NCKAP1: variants seen among roughly 807,000 people sequenced by gnomAD.
NCKAP1 encodes NCK associated protein 1.
A neutral mutation model predicts 151.2 loss-of-function variants in NCKAP1; 21 were observed. That is an observed-to-expected ratio of 0.14 (90% CI 0.10 to 0.20). The LOEUF is 0.20. NCKAP1 is among the 10% of genes least tolerant of loss of function. The pLI, the probability that NCKAP1 is intolerant of heterozygous loss-of-function variation, is 1.00. For synonymous variants in NCKAP1, 484 were observed against 451.8 expected (o/e 1.07, Z -0.90); for missense variants, 933 against 1,352.1 (o/e 0.69, Z 4.86).
At chr2:182,941,598 C>T (rs1696996064) in intron 24 of NCKAP1, among the ~76,000 whole-genome samples, 1 of 152,148 alleles carries the variant, frequency 6.6e-6, no homozygotes, top group Non-Finnish European at 1.5e-5. Flanking sequence ...ATTTTTCAAA[C>T]TGATGGAACT....
At chr2:182,974,627 A>C (rs1033629539) in intron 15 of NCKAP1, among the ~76,000 whole-genome samples, 1 of 152,198 alleles carries the variant, frequency 6.6e-6, no homozygotes, top group African/African-American at 2.4e-5. Flanking sequence ...CCAGCAAATC[A>C]CCAGAAGCTA....
intron 13 of NCKAP1, among the ~76,000 whole-genome samples, chr2:182,979,580 A>G (rs1277409166): frequency 6.6e-6 from 1 of 152,114 alleles, no homozygotes; most frequent in Non-Finnish European, 1.5e-5. Context: ...TGTACACTTA[A>G]AAATCATGAA....
At chr2:182,994,623 A>T (rs754311023) in intron 8 of NCKAP1, among the ~76,000 whole-genome samples, 4 of 151,692 alleles carry the variant, frequency 2.6e-5, no homozygotes, top group Non-Finnish European at 4.4e-5. Context: ...TGGATGACAG[A>T]GCAAGACCTC....
intron 1 of NCKAP1, among the ~76,000 whole-genome samples, chr2:183,030,515 A>G (rs973514798): frequency 2.6e-5 from 4 of 152,232 alleles, no homozygotes; most frequent in Non-Finnish European, 4.4e-5. Context: ...TCAGAGTGAG[A>G]ATGCTATTCG....
chr2:182,985,589 G>C (rs779138484), intron 10 of NCKAP1, among the ~76,000 whole-genome samples: 3 of 152,124 alleles, frequency 2.0e-5, no homozygotes, highest in Non-Finnish European at 4.4e-5. Flanking sequence ...GATCACTGAG[G>C]TCAGGAGTTC....
intron 1 of NCKAP1, among the ~76,000 whole-genome samples, chr2:183,034,766 C>T (rs1262932495): frequency 1.3e-5 from 2 of 152,062 alleles, no homozygotes; most frequent in Non-Finnish European, 2.9e-5. Context: ...AAACTGAGTT[C>T]AGTTATTGTT....
chr2:182,932,911 C>A (rs1329072067), intron 26 of NCKAP1, among the ~76,000 whole-genome samples: 3 of 152,130 alleles, frequency 2.0e-5, no homozygotes, highest in Non-Finnish European at 2.9e-5. Flanking sequence ...AAGACAATCA[C>A]TGATCTCAAA....
chr2:182,999,376 A>G (rs1287983857), intron 6 of NCKAP1, among the ~76,000 whole-genome samples: 1 of 152,064 alleles, frequency 6.6e-6, no homozygotes, highest in East Asian at 1.9e-4. Context: ...TAACCACCCA[A>G]CAAACATATG....
intron 2 of NCKAP1, among the ~76,000 whole-genome samples, chr2:183,004,415 T>G (rs572248421): frequency 6.9e-6 from 1 of 145,348 alleles, no homozygotes; most frequent in Admixed American, 7.1e-5. Flanking sequence ...TCAGAAAATT[T>G]ACAGCAGTGA....
chr2:183,013,306 T>C (rs1318388417), intron 2 of NCKAP1, among the ~76,000 whole-genome samples: 2 of 152,142 alleles, frequency 1.3e-5, no homozygotes, highest in African/African-American at 4.8e-5. Flanking sequence ...ACGTCTAATA[T>C]TGAGCTACTG....
At chr2:183,008,075 C>A (rs370855996) in intron 2 of NCKAP1, among the ~76,000 whole-genome samples, 2 of 152,028 alleles carry the variant, frequency 1.3e-5, no homozygotes, top group Admixed American at 1.3e-4. Context: ...TATACGCATG[C>A]GCCAGCACAC....
chr2:182,949,502 C>G (rs906994628), intron 23 of NCKAP1, among the ~76,000 whole-genome samples: 4 of 152,070 alleles, frequency 2.6e-5, no homozygotes, highest in African/African-American at 9.7e-5. Flanking sequence ...TTGAATAAAA[C>G]AGAGTTAAGA....
At chr2:182,929,104 A>C (rs1696707472) in intron 27 of NCKAP1, among the ~76,000 whole-genome samples, 1 of 152,108 alleles carries the variant, frequency 6.6e-6, no homozygotes, top group East Asian at 1.9e-4. Context: ...ACAATGGACT[A>C]TTATCAACTA....
chr2:183,001,457 A>AT (rs902504852), intron 6 of NCKAP1, among the ~76,000 whole-genome samples: 2 of 152,188 alleles, frequency 1.3e-5, no homozygotes, highest in Non-Finnish European at 2.9e-5. Flanking sequence ...AAAACCCGTC[A>AT]TTTTTTGAGA....
In NCKAP1 at chr2:182,917,671, T is replaced by C. The variant is rs1344610310; in HGVS notation, c.*8031A>G. The C allele has an allele frequency of 6.6e-6, 1 of 152,196 alleles. No individual in the cohort carries two copies. Among genetic ancestry groups the C allele is most frequent in the East Asian group, 1.9e-4 (1 of 5,202 alleles). The allele number at this position is 152,196 out of a possible 1,614,324, so 9.4% of individuals were successfully genotyped here. ...AGACCAAGTGTTGTATGTTCCAGTGTAGGATCTCACTTCAACAGCTGCGTT... is the reference window on the plus strand; with the variant it reads ...AGACCAAGTGTTGTATGTTCCAGTGCAGGATCTCACTTCAACAGCTGCGTT... On this transcript the variant is annotated 3_prime_UTR_variant, in exon 31 of 31. Transcript: ENST00000361354.
rs150794432 is a variant in NCKAP1 at position 183,030,332 on chromosome 2, TTTTA to T, written c.109-6420_109-6417del. Among the ~76,000 whole-genome samples, 1,023 of 152,298 alleles carry T rather than the reference TTTTA, an allele frequency of 6.7e-3. 12 individuals carry two copies. Among genetic ancestry groups the T allele is most frequent in the African/African-American group, 0.024 (981 of 41,542 alleles). On this transcript the variant is annotated intron_variant, in intron 1 of 30. Transcript: ENST00000361354. ...GCACTACTACTGTGCCTAGCTTCAG[TTTTA>T]TTTTTTAATTTCTATTCTAACTCAG...
chr2:182,989,022 T>A lies in NCKAP1; in HGVS notation c.947+8A>T, dbSNP rs1034683074. 1.9e-6 allele frequency: 3 copies of A among 1,599,552 alleles called. No individual in the cohort carries two copies. The highest frequency in any genetic ancestry group is 2.6e-6 in the Non-Finnish European group (3 of 1,176,118). Reference sequence around the variant, plus strand: ...CCAAAAAAGACAAAATAAATGAAAATGCCATACCCTCGTATGTTTACAAAT... The same window carrying A: ...CCAAAAAAGACAAAATAAATGAAAAAGCCATACCCTCGTATGTTTACAAAT... On this transcript the variant is annotated splice_region_variant and intron_variant, in intron 9 of 30. Coordinates refer to ENST00000361354, the MANE Select transcript of NCKAP1 (RefSeq NM_013436.5).
chr2:182,985,525 G>A (rs1049706265), intron 10 of NCKAP1, among the ~76,000 whole-genome samples: 6 of 150,356 alleles, frequency 4.0e-5, no homozygotes, highest in African/African-American at 7.5e-5. Flanking sequence ...AATATTTGCC[G>A]GGCACGGTGG....
Position 182,984,423 on chromosome 2 carries a change from G to GGGTGTGTGTGTGTGTGTGTGTGTGTGT in NCKAP1, c.1005-1042_1005-1041insACACACACACACACACACACACACACC, listed in dbSNP as rs984252600. On this transcript the variant is annotated intron_variant, in intron 10 of 30. Coordinates refer to ENST00000361354, the MANE Select transcript of NCKAP1 (RefSeq NM_013436.5). ...AAGAAAGTTTTAGAATTTAGATTGG[G>GGGTGTGTGTGTGTGTGTGTGTGTGTGT]GTGTGTGTGTGTGTGTGTGTGTGTG... is the stretch of plus-strand genomic sequence containing the variant. 1.1e-3 allele frequency among the ~76,000 whole-genome samples: 166 copies of GGGTGTGTGTGTGTGTGTGTGTGTGTGT among 144,394 alleles called. 1 individual carries two copies. Among genetic ancestry groups the GGGTGTGTGTGTGTGTGTGTGTGTGTGT allele is most frequent in the Non-Finnish European group, 2.1e-3 (133 of 64,146 alleles). The allele number at this position is 144,394 out of a possible 152,430, so 94.7% of individuals were successfully genotyped here.
Sources: allele counts gnomAD v4.1 joint callset (sites outside exome capture counted in the v4.1 genomes callset), GRCh38; gene constraint gnomAD v4.1.1; transcripts MANE v1.5; gene names NCBI Gene and HGNC (gene_info 2026-07-23, HGNC 2026-07-21).